TBC1D8B: variants seen among roughly 807,000 people sequenced by gnomAD.
The protein encoded by TBC1D8B is RP11-321G1.1.
TBC1D8B carries 75 observed loss-of-function variants against 82.9 expected under a neutral mutation model. The observed-to-expected ratio is 0.90, with a 90% CI of 0.75 to 1.10. The LOEUF (loss-of-function observed/expected upper bound fraction) is 1.10. TBC1D8B is among the 50% of genes least tolerant of loss of function. The probability of loss-of-function intolerance (pLI) is 0.00; values close to 1 mark genes in which losing one functional copy is unlikely to be tolerated. For missense variants in TBC1D8B, 794 were observed against 796.9 expected (o/e 1.00, Z 0.04); for synonymous variants, 276 against 276.8 (o/e 1.00, Z 0.03).
At chrX:106,867,111 G>T (rs1258889159) in intron 17 of TBC1D8B, among the ~76,000 whole-genome samples, 5 of 111,545 alleles carry the variant, frequency 4.5e-5, no homozygotes, top group Non-Finnish European at 9.4e-5. Flanking sequence ...TTAATGATAA[G>T]TAGTTTGTAT....
intron 12 of TBC1D8B, among the ~76,000 whole-genome samples, chrX:106,851,020 CT>C (rs767387005): frequency 2.5e-3 from 274 of 111,805 alleles, no homozygotes; most frequent in African/African-American, 8.1e-3. Context: ...TGTTTGCTTC[CT>C]TCAAAACCCC....
At chrX:106,821,925 A>G (rs1931703582) in intron 3 of TBC1D8B, 52 bp from the exon 4 acceptor site, 2 of 1,005,419 alleles carry the variant, frequency 2.0e-6, no homozygotes, top group Non-Finnish European at 2.8e-6. Flanking sequence ...TGTATGAAAT[A>G]TATTTTTGTT....
intron 14 of TBC1D8B, among the ~76,000 whole-genome samples, chrX:106,855,321 G>A (rs1191196907): frequency 8.9e-6 from 1 of 112,307 alleles, no homozygotes; most frequent in Non-Finnish European, 1.9e-5. Flanking sequence ...AGTAATACAT[G>A]CTCACTGTAA....
intron 10 of TBC1D8B, among the ~76,000 whole-genome samples, chrX:106,842,131 A>AT (rs113697502): frequency 0.025 from 2,675 of 105,412 alleles, 59 homozygotes; most frequent in African/African-American, 0.07. Flanking sequence ...GTCAATAGAG[A>AT]TTTTTTTTTT....
At chrX:106,872,524 A>G (rs1383661020) in intron 20 of TBC1D8B, among the ~76,000 whole-genome samples, 1 of 103,379 alleles carries the variant, frequency 9.7e-6, no homozygotes, top group African/African-American at 3.7e-5. Context: ...CAATTCTTAA[A>G]CAAAAGCCTA....
chrX:106,863,670 T>C (rs1022793472), intron 14 of TBC1D8B, among the ~76,000 whole-genome samples: 2 of 111,461 alleles, frequency 1.8e-5, no homozygotes, highest in African/African-American at 6.5e-5. Flanking sequence ...GCCAGCAGAG[T>C]TTAGGCAGAA....
chrX:106,861,268 G>A (rs1490042035), intron 14 of TBC1D8B, among the ~76,000 whole-genome samples: 1 of 111,244 alleles, frequency 9.0e-6, no homozygotes. Context: ...TTCAGGTCCC[G>A]AATATCTTTG....
At position 106,826,120 on chromosome X, in the gene TBC1D8B, C is replaced by A. The variant is rs757359870; in HGVS notation, c.918C>A (p.Phe306Leu). 1 of 1,208,581 alleles carries A rather than the reference C, an allele frequency of 8.3e-7. No individual in the cohort carries two copies. Among genetic ancestry groups the A allele is most frequent in the Non-Finnish European group, 1.1e-6 (1 of 894,488 alleles). ...GTTTGAAAGAAGTACATGAATGTTT[C>A]TTATGGGTACCATTCAGCCACTTCA... Reference protein sequence around the residue: ...GESLKEVHECFLWVPFSHFNT... With the variant: ...GESLKEVHECLLWVPFSHFNT... Residue 306 changes from phenylalanine to leucine, a missense_variant, in exon 6 of 21, where the codon TTC (phenylalanine) becomes TTA (leucine). Coordinates refer to ENST00000357242, the MANE Select transcript of TBC1D8B (RefSeq NM_017752.3).
chrX:106,867,269 A>G, intron 17 of TBC1D8B, among the ~76,000 whole-genome samples: 1 of 112,168 alleles, frequency 8.9e-6, no homozygotes, highest in Middle Eastern at 4.6e-3. Flanking sequence ...GGGATATTAA[A>G]TATTTTAAAA....
rs892531225 is a variant in TBC1D8B at position 106,802,799 on chromosome X, G to A, written c.-55G>A. 14 of 1,199,615 alleles carry A rather than the reference G, an allele frequency of 1.2e-5. No homozygotes were observed. The highest frequency in any genetic ancestry group is 1.6e-5 in the Non-Finnish European group (14 of 888,900). On this transcript the variant is annotated 5_prime_UTR_variant, in exon 1 of 21. Coordinates refer to ENST00000357242, the MANE Select transcript of TBC1D8B (RefSeq NM_017752.3). ...AAGCAGAGGGGAAGAGACGGGTTGAGAGTGAGGTGAGGAGGGCATCTAGGT... is the reference window on the plus strand; with the variant it reads ...AAGCAGAGGGGAAGAGACGGGTTGAAAGTGAGGTGAGGAGGGCATCTAGGT...
chrX:106,850,762 G>A (rs1250583210), intron 12 of TBC1D8B, among the ~76,000 whole-genome samples: 1 of 111,849 alleles, frequency 8.9e-6, no homozygotes, highest in Non-Finnish European at 1.9e-5. Context: ...TGTGTTGTAT[G>A]TGTGTGTATG....
At chrX:106,809,124 G>T (rs894058100) in intron 1 of TBC1D8B, among the ~76,000 whole-genome samples, 1 of 112,095 alleles carries the variant, frequency 8.9e-6, no homozygotes, top group African/African-American at 3.2e-5. Context: ...AAGCACAAAA[G>T]GTAAGATTAA....
rs900840720 is a variant in TBC1D8B, at chrX:106,806,770, C to T, written c.130+3787C>T. On this transcript the variant is annotated intron_variant, in intron 1 of 20. Transcript: ENST00000357242. ...CTTATTAAAATGGAGAATTTTTAGA[C>T]ATTCTGTTTCTGATTTCCTTTTTCA... Among the ~76,000 whole-genome samples the T allele has an allele frequency of 4.5e-5, 5 of 111,456 alleles. No individual in the cohort carries two copies. In the Admixed American group the frequency reaches 4.8e-4, roughly 11 times the overall value.
intron 14 of TBC1D8B, among the ~76,000 whole-genome samples, chrX:106,859,795 C>G (rs1307665838): frequency 1.8e-5 from 2 of 111,526 alleles, no homozygotes; most frequent in African/African-American, 6.5e-5. Context: ...ATGCTTCCAG[C>G]TTTTACCCAT....
chrX:106,827,305 G>C lies in TBC1D8B; in HGVS notation c.1171G>C (p.Ala391Pro), dbSNP rs746931214. The change falls in exon 7 of 21, where the codon GCT becomes CCT. Residue 391 changes from alanine (A) to proline (P), a missense_variant. By Grantham distance (27) the Ala-to-Pro change is conservative. Coordinates refer to ENST00000357242, the MANE Select transcript of TBC1D8B (RefSeq NM_017752.3). ...VAKLRLRCGAASTQYHDISTE... is the reference protein window; with the variant it reads ...VAKLRLRCGAPSTQYHDISTE... ...AAAACTCAGGCTCAGATGCGGAGCAGCTTCAACTCAATATCATGATATTAG... is the reference window on the plus strand; with the variant it reads ...AAAACTCAGGCTCAGATGCGGAGCACCTTCAACTCAATATCATGATATTAG... 5 of 1,210,841 alleles carry C rather than the reference G, an allele frequency of 4.1e-6. No individual in the cohort carries two copies. Among genetic ancestry groups the C allele is most frequent in the Non-Finnish European group, 5.6e-6 (5 of 895,000 alleles).
At position 106,839,319 on chromosome X, in the gene TBC1D8B, TTCTGAGTCTA is replaced by T; in HGVS notation, c.1216_1225del (p.Ser406GlnfsTer12). Reference sequence around the variant, plus strand: ...TCTTTCTTTTTCAGCTTGCTATTAGTTCTGAGTCTACAGAGCCATCTGATAATTTTGAGGT... The same window carrying T: ...TCTTTCTTTTTCAGCTTGCTATTAGTCAGAGCCATCTGATAATTTTGAGGT... On this transcript the variant is annotated frameshift_variant, in exon 8 of 21. Transcript: ENST00000357242. LOFTEE classifies it high-confidence loss of function. 3 of 1,158,581 alleles carry T rather than the reference TTCTGAGTCTA, an allele frequency of 2.6e-6. No homozygotes were observed. Among genetic ancestry groups the T allele is most frequent in the Non-Finnish European group, 3.5e-6 (3 of 869,560 alleles).
rs142847754 is a variant in TBC1D8B at position 106,847,686 on chromosome X, G to A, written c.1720-500G>A. Among the ~76,000 whole-genome samples, 187 of 111,270 alleles carry A rather than the reference G, an allele frequency of 1.7e-3. 4 individuals carry two copies. The East Asian group carries it at 0.047, about 28-fold the overall frequency. The stretch of plus-strand genomic sequence containing the variant: ...ATGAAACAGATGCAGCAGATAGAGG[G>A]TTTTCAGCATAATCAAAACTAGGAT... On this transcript the variant is annotated intron_variant, in intron 10 of 20. Coordinates refer to ENST00000357242, the MANE Select transcript of TBC1D8B (RefSeq NM_017752.3).
At chrX:106,859,115 T>C (rs979233667) in intron 14 of TBC1D8B, among the ~76,000 whole-genome samples, 2 of 112,285 alleles carry the variant, frequency 1.8e-5, no homozygotes, top group African/African-American at 3.2e-5. Flanking sequence ...TGTAGCCTTG[T>C]AGTATAGTTT....
At chrX:106,864,273 C>T (rs964589748) in intron 14 of TBC1D8B, among the ~76,000 whole-genome samples, 7 of 110,537 alleles carry the variant, frequency 6.3e-5, no homozygotes, top group African/African-American at 2.3e-4. Flanking sequence ...TGTGAATTAC[C>T]CTCTCCCGTA....
Sources: allele counts gnomAD v4.1 joint callset (sites outside exome capture counted in the v4.1 genomes callset), GRCh38; gene constraint gnomAD v4.1.1; transcripts MANE v1.5; gene names NCBI Gene and HGNC (gene_info 2026-07-23, HGNC 2026-07-21).